The following FREM3 variants were observed in gnomAD, a reference collection of about 807,000 sequenced individuals.
The protein encoded by FREM3 is FRAS1-related extracellular matrix protein 3.
Under a neutral mutation model 129.1 loss-of-function variants are expected in FREM3, and 105 were observed. The ratio of observed to expected loss-of-function variants is 0.81; its 90% CI spans 0.69 to 0.96. The LOEUF (loss-of-function observed/expected upper bound fraction) is 0.96, where lower values mean the gene tolerates loss of function less well. FREM3 is among the 40% of genes least tolerant of loss of function. The pLI, the probability that FREM3 is intolerant of heterozygous loss-of-function variation, is 0.00. For synonymous variants in FREM3, 1,014 were observed against 1,044.9 expected, an observed-to-expected ratio of 0.97 and a Z score of 0.57; for missense variants, 2,593 against 2,666.3, an observed-to-expected ratio of 0.97 and a Z score of 0.61.
intron 4 of FREM3, among the ~76,000 whole-genome samples, chr4:143,621,600 C>T (rs1348754567): frequency 1.3e-5 from 2 of 152,136 alleles, no homozygotes; most frequent in African/African-American, 2.4e-5. Flanking sequence ...GCTTATTTAA[C>T]ATTTATTGAG....
chr4:143,623,962 G>A (rs1739000753), intron 4 of FREM3, 146 bp downstream of exon 4: 1 of 596,212 alleles, frequency 1.7e-6, no homozygotes, highest in Admixed American at 3.0e-5. Context: ...AAAAATTATT[G>A]TCTATAAAGT....
At position 143,622,188 on chromosome 4, in the gene FREM3, G is replaced by A. The variant is rs1322092437; in HGVS notation, c.5654-1026C>T. ...AGCTCACTGAAACCTTTGTCTCCCA[G>A]GTTCAAGCAACTCTCGTGCCTCAGC... On this transcript the variant is annotated intron_variant, in intron 4 of 7. Transcript: ENST00000329798. Among the ~76,000 whole-genome samples, 4 of 151,184 alleles carry A rather than the reference G, an allele frequency of 2.6e-5. No individual in the cohort carries two copies. The East Asian group carries it at 7.8e-4, about 30-fold the overall frequency.
chr4:143,620,648 T>C (rs1738929305), intron 5 of FREM3, among the ~76,000 whole-genome samples: 1 of 152,212 alleles, frequency 6.6e-6, no homozygotes, highest in African/African-American at 2.4e-5. Context: ...TTTTACAATA[T>C]TGCCCAGAGG....
rs183793967 is a variant in FREM3, at chr4:143,600,842, C to T, written c.6028+10437G>A. Among the ~76,000 whole-genome samples, 140 of 152,200 alleles carry T rather than the reference C, an allele frequency of 9.2e-4. 1 individual carries two copies. The highest frequency in any genetic ancestry group is 6.8e-3 in the Middle Eastern group (2 of 292). ...GATATCATGGAGGCTGAAAAGACCA[C>T]GCACAGCCAACATCTCTGCCTGAGA... is the stretch of plus-strand genomic sequence containing the variant. On this transcript the variant is annotated intron_variant, in intron 6 of 7. Coordinates refer to ENST00000329798, the MANE Select transcript of FREM3 (RefSeq NM_001168235.2).
chr4:143,676,364 G>A (rs1346547874), intron 2 of FREM3, among the ~76,000 whole-genome samples: 1 of 152,106 alleles, frequency 6.6e-6, no homozygotes, highest in Admixed American at 6.6e-5. Context: ...AAAACTCTCA[G>A]TAAATTAGGT....
At chr4:143,580,324 G>T (rs1738108930) in intron 7 of FREM3, among the ~76,000 whole-genome samples, 1 of 152,106 alleles carries the variant, frequency 6.6e-6, no homozygotes, top group South Asian at 2.1e-4. Context: ...AAAGCCAGGG[G>T]AGGATCCCCA....
chr4:143,649,116 A>G lies in FREM3; in HGVS notation c.5276-21356T>C, dbSNP rs182601099. On this transcript the variant is annotated intron_variant, in intron 2 of 7. Transcript: ENST00000329798. ...GGCTTAAAAATCTTAGTTGTATAAA[A>G]TAGAGCCAATTTAATTTTAATAAGG... 1.4e-3 allele frequency: 208 copies of G among 152,336 alleles called. 6 individuals carry two copies. Among genetic ancestry groups the G allele is most frequent in the Admixed American group, 0.014 (207 of 15,308 alleles). The allele number at this position is 152,336 out of a possible 1,614,324, so 9.4% of individuals were successfully genotyped here. A position where few individuals can be genotyped will look rare whatever the true frequency, so the allele number is the denominator to read the frequency against.
chr4:143,623,493 T>TCCCACC (rs1738989344), intron 4 of FREM3, among the ~76,000 whole-genome samples: 1 of 68,522 alleles, frequency 1.5e-5, no homozygotes, highest in Non-Finnish European at 3.1e-5. Context: ...TGAATACTAA[T>TCCCACC]CCCCCCCCCC....
intron 5 of FREM3, among the ~76,000 whole-genome samples, chr4:143,616,601 A>G (rs1738854307): frequency 6.6e-6 from 1 of 152,046 alleles, no homozygotes. Flanking sequence ...CCTGGCTAAC[A>G]CTATGAAACC....
chr4:143,698,623 G>A lies in FREM3; in HGVS notation c.2053C>T (p.Leu685Phe), dbSNP rs747496706. The change falls in exon 1 of 8, where the codon CTC (leucine) becomes TTC (phenylalanine). Residue 685 changes from leucine to phenylalanine, a missense_variant. Physicochemically the swap from Leu to Phe is conservative, Grantham distance 22 (BLOSUM62 0). Coordinates refer to ENST00000329798, the MANE Select transcript of FREM3 (RefSeq NM_001168235.2). ...HVQDDHDPPN[L>F]SKQHIFTIKV... is the part of the protein sequence containing the mutation. ...ATGGTGAAAATGTGCTGTTTGGAGA[G>A]ATTGGGTGGGTCATGGTCATCCTGC... 93 of 1,537,734 alleles carry A rather than the reference G, an allele frequency of 6.0e-5. No homozygotes were observed. The highest frequency in any genetic ancestry group is 1.7e-4 in the Middle Eastern group (1 of 6,016).
At position 143,696,047 on chromosome 4, in the gene FREM3, A is replaced by G; in HGVS notation, c.4629T>C (p.His1543=). The G allele has an allele frequency of 1.3e-6, 2 of 1,537,786 alleles. No individual in the cohort carries two copies. The highest frequency in any genetic ancestry group is 2.0e-5 in the Admixed American group (1 of 51,014). ...TATCCTCTTTCTGTAGTGTTAGTCTATGGATGGTCAAGATAGGTTTCTTAT... is the reference window on the plus strand; with the variant it reads ...TATCCTCTTTCTGTAGTGTTAGTCTGTGGATGGTCAAGATAGGTTTCTTAT... ...VDNKKPILTI[H]RLTLQKEDSQ... The change falls in exon 1 of 8, where the codon CAT becomes CAC. Residue 1543 remains histidine, a synonymous_variant. Transcript: ENST00000329798.
At chr4:143,597,383 G>T (rs765864840) in intron 6 of FREM3, among the ~76,000 whole-genome samples, 4 of 152,146 alleles carry the variant, frequency 2.6e-5, no homozygotes, top group Non-Finnish European at 5.9e-5. Flanking sequence ...GTGCCCAAAT[G>T]AAAGGAGATA....
At chr4:143,594,709 A>T (rs186586888) in intron 6 of FREM3, among the ~76,000 whole-genome samples, 13 of 152,360 alleles carry the variant, frequency 8.5e-5, no homozygotes, top group Non-Finnish European at 1.9e-4. Context: ...CTCTGAATAC[A>T]CTAAGATATA....
intron 2 of FREM3, among the ~76,000 whole-genome samples, chr4:143,681,444 C>G (rs1477944870): frequency 6.6e-6 from 1 of 152,066 alleles, no homozygotes; most frequent in Non-Finnish European, 1.5e-5. Context: ...GATTAATAAA[C>G]TTGACAGTAT....
intron 6 of FREM3, among the ~76,000 whole-genome samples, chr4:143,604,542 AT>A (rs1172450953): frequency 4.6e-5 from 7 of 152,176 alleles, no homozygotes; most frequent in East Asian, 1.9e-4. Context: ...TAAAAGTTAT[AT>A]TTTTTTCATT....
At chr4:143,660,565 G>A (rs1266935574) in intron 2 of FREM3, among the ~76,000 whole-genome samples, 4 of 152,202 alleles carry the variant, frequency 2.6e-5, no homozygotes, top group East Asian at 3.9e-4. Flanking sequence ...TTGGCGATGC[G>A]GGCTCTTTTT....
At chr4:143,681,637 T>A (rs1464704991) in intron 2 of FREM3, among the ~76,000 whole-genome samples, 1 of 152,132 alleles carries the variant, frequency 6.6e-6, no homozygotes, top group African/African-American at 2.4e-5. Flanking sequence ...ATGAAACACA[T>A]AAATCCACCA....
At chr4:143,661,088 C>T (rs990443754) in intron 2 of FREM3, among the ~76,000 whole-genome samples, 1 of 152,210 alleles carries the variant, frequency 6.6e-6, no homozygotes, top group Non-Finnish European at 1.5e-5. Flanking sequence ...CGTTCGCTGC[C>T]TGATTGCCCT....
intron 5 of FREM3, among the ~76,000 whole-genome samples, chr4:143,615,562 A>T (rs1260225039): frequency 1.3e-5 from 2 of 152,016 alleles, no homozygotes; most frequent in African/African-American, 4.8e-5. Context: ...TCTAGAGGGG[A>T]CTTTGGTACT....
Sources: gnomAD v4.1 joint callset for allele counts (sites outside exome capture counted in the v4.1 genomes callset) on GRCh38, gnomAD v4.1.1 for gene constraint, MANE v1.5 for transcripts, NCBI Gene and HGNC (gene_info 2026-07-23, HGNC 2026-07-21) for gene names.